Variants in PALB2 observed in about 807,000 individuals in gnomAD.
The protein encoded by PALB2 is partner and localizer of BRCA2.
PALB2 carries 82 observed loss-of-function variants against 107.4 expected under a neutral mutation model. That is an observed-to-expected ratio of 0.76 (90% CI 0.64 to 0.92). The LOEUF is 0.92. Ranked by LOEUF, PALB2 falls within the 40% of genes least tolerant of loss-of-function variation. The pLI, the probability that PALB2 is intolerant of heterozygous loss-of-function variation, is 0.00. For missense variants in PALB2, 1,374 were observed against 1,379.9 expected (o/e 1.00, Z 0.07); for synonymous variants, 489 against 496.8 (o/e 0.98, Z 0.21).
chr16:23,622,035 C>A (rs943016653), intron 9 of PALB2, among the ~76,000 whole-genome samples: 1 of 152,168 alleles, frequency 6.6e-6, no homozygotes, highest in Non-Finnish European at 1.5e-5. Context: ...TCATCTCTTG[C>A]CTAGATTACT....
At chr16:23,628,475 A>G (rs1267932374) in intron 6 of PALB2, among the ~76,000 whole-genome samples, 1 of 152,144 alleles carries the variant, frequency 6.6e-6, no homozygotes, top group Non-Finnish European at 1.5e-5. Flanking sequence ...ACATTTAGTA[A>G]TGCAACATTT....
intron 11 of PALB2, among the ~76,000 whole-genome samples, chr16:23,611,465 TA>T (rs201576039): frequency 0.026 from 3,834 of 148,500 alleles, 77 homozygotes; most frequent in Middle Eastern, 0.089. Flanking sequence ...TTATTATTAT[TA>T]TTTTTTTTTG....
intron 11 of PALB2, 112 bp from the exon 12 acceptor site, chr16:23,608,124 C>G (rs1440507233): frequency 8.6e-7 from 1 of 1,164,104 alleles, no homozygotes; most frequent in African/African-American, 1.5e-5. Flanking sequence ...CCGATAGGCT[C>G]TGAAGTATCC....
At chr16:23,610,122 G>T (rs1241342743) in intron 11 of PALB2, among the ~76,000 whole-genome samples, 1 of 152,140 alleles carries the variant, frequency 6.6e-6, no homozygotes, top group Non-Finnish European at 1.5e-5. Flanking sequence ...AGTTTTATTA[G>T]AACACAGCTA....
intron 11 of PALB2, among the ~76,000 whole-genome samples, chr16:23,609,333 G>A (rs1966541604): frequency 6.6e-6 from 1 of 152,160 alleles, no homozygotes; most frequent in African/African-American, 2.4e-5. Context: ...GCTGAGTGGG[G>A]AGGATCGCTT....
At chr16:23,619,512 C>T (rs1334887405) in intron 10 of PALB2, among the ~76,000 whole-genome samples, 1 of 150,994 alleles carries the variant, frequency 6.6e-6, no homozygotes, top group Non-Finnish European at 1.5e-5. Context: ...TTAGTAGAGA[C>T]GAGGTATCTT....
rs935956250 is a variant in PALB2 at position 23,635,779 on chromosome 16, C to G, written c.767G>C (p.Ser256Thr). ...TTVPLQTLSD[S>T]GSSQHLEHIP... ...GTGTTCAAGGTGCTGACTACTACCG[C>G]TATCTGATAGAGTCTGTAAAGGAAC... is the stretch of plus-strand genomic sequence containing the variant. Residue 256 changes from serine (S) to threonine (T), a missense_variant, in exon 4 of 13, where the codon AGC (serine) becomes ACC (threonine). Physicochemically the swap from Ser to Thr is moderately conservative, Grantham distance 58. Transcript: ENST00000261584. The G allele has an allele frequency of 6.2e-7, 1 of 1,614,152 alleles. No homozygotes were observed. The highest frequency in any genetic ancestry group is 8.5e-7 in the Non-Finnish European group (1 of 1,180,024).
At chr16:23,626,055 A>G (rs1015461721) in intron 7 of PALB2, among the ~76,000 whole-genome samples, 181 bp downstream of exon 7, 1 of 152,168 alleles carries the variant, frequency 6.6e-6, no homozygotes, top group Non-Finnish European at 1.5e-5. Context: ...TGGTGGGTAT[A>G]TGGGTGCTCA....
At chr16:23,608,790 G>T (rs111286989) in intron 11 of PALB2, among the ~76,000 whole-genome samples, 3,803 of 103,928 alleles carry the variant, frequency 0.037, 73 homozygotes, top group Middle Eastern at 0.11. Context: ...TACTGTATGT[G>T]TGTATATATA....
At chr16:23,628,132 G>A (rs887933325) in intron 6 of PALB2, among the ~76,000 whole-genome samples, 5 of 152,216 alleles carry the variant, frequency 3.3e-5, no homozygotes, top group African/African-American at 7.2e-5. Flanking sequence ...GTTGAGGCAC[G>A]AGAATTGCTT....
chr16:23,636,954 T>A (rs113458067), intron 3 of PALB2, among the ~76,000 whole-genome samples: 9 of 152,122 alleles, frequency 5.9e-5, no homozygotes, highest in African/African-American at 2.2e-4. Context: ...CTTACATTTT[T>A]AAAAAAAACC....
intron 6 of PALB2, among the ~76,000 whole-genome samples, chr16:23,627,119 T>C (rs549518328): frequency 1.3e-5 from 2 of 152,268 alleles, no homozygotes; most frequent in Admixed American, 1.3e-4. Flanking sequence ...ATTATGACCA[T>C]GGGAGCACTA....
In PALB2 at chr16:23,635,384, G is replaced by T. The variant is rs1567221468; in HGVS notation, c.1162C>A (p.Pro388Thr). 1 of 1,613,916 alleles carries T rather than the reference G, an allele frequency of 6.2e-7. No homozygotes were observed. The highest frequency in any genetic ancestry group is 8.5e-7 in the Non-Finnish European group (1 of 1,180,032). ...PKSLSLEATSPLSAEKHSCTV... is the reference protein window; with the variant it reads ...PKSLSLEATSTLSAEKHSCTV... The stretch of plus-strand genomic sequence containing the variant: ...CAAGAATGTTTTTCTGCAGAAAGAG[G>T]AGAGGTTGCTTCCAGGCTAAGACTC... The change falls in exon 4 of 13, where the codon CCT becomes ACT. Residue 388 changes from proline to threonine, a missense_variant. Transcript: ENST00000261584.
chr16:23,629,286 A>C lies in PALB2; in HGVS notation c.2515-11T>G. On this transcript the variant is annotated splice_polypyrimidine_tract_variant and intron_variant, in intron 5 of 12. Transcript: ENST00000261584. ...CTCTGCTGTTTCAGTCTGTGAAAAC[A>C]AAAGTCACATCATTAGTCTACACTT... is the stretch of plus-strand genomic sequence containing the variant. 6.2e-7 allele frequency: 1 copy of C among 1,610,468 alleles called. No individual in the cohort carries two copies. The highest frequency in any genetic ancestry group is 8.5e-7 in the Non-Finnish European group (1 of 1,177,508).
intron 4 of PALB2, among the ~76,000 whole-genome samples, chr16:23,633,936 T>G (rs1208461421): frequency 6.6e-6 from 1 of 152,154 alleles, no homozygotes; most frequent in Non-Finnish European, 1.5e-5. Flanking sequence ...CTCAAACTCC[T>G]GGGCTCAAGC....
At chr16:23,615,956 G>A (rs546148082) in intron 10 of PALB2, among the ~76,000 whole-genome samples, 41 of 152,268 alleles carry the variant, frequency 2.7e-4, no homozygotes, top group Non-Finnish European at 4.0e-4. Flanking sequence ...GAGCCACCGC[G>A]CCCGGTGGTA....
Position 23,635,111 on chromosome 16 carries a change from G to C in PALB2, c.1435C>G (p.Gln479Glu), listed in dbSNP as rs1060502761. Residue 479 changes from glutamine to glutamate, a missense_variant, in exon 4 of 13, where the codon CAG (glutamine) becomes GAG (glutamate). By Grantham distance (29) the Gln-to-Glu change is conservative. Transcript: ENST00000261584. ...ACTTTAGTTAATGAGAGAAGTTTCTGAGAGGTTCTTGAACTTGGTTGTCCT... is the reference window on the plus strand; with the variant it reads ...ACTTTAGTTAATGAGAGAAGTTTCTCAGAGGTTCTTGAACTTGGTTGTCCT... ...CTGQPSSRTS[Q>E]KLLSLTKVSS... 1 of 1,614,182 alleles carries C rather than the reference G, an allele frequency of 6.2e-7. No homozygotes were observed. Among genetic ancestry groups the C allele is most frequent in the Non-Finnish European group, 8.5e-7 (1 of 1,180,024 alleles).
rs1966865214 is a variant in PALB2, at chr16:23,630,317, G to A, written c.1837C>T (p.Gln613Ter). The A allele has an allele frequency of 6.2e-7, 1 of 1,614,206 alleles. No individual in the cohort carries two copies. Among genetic ancestry groups the A allele is most frequent in the Middle Eastern group, 1.6e-4 (1 of 6,062 alleles). ...GGTCCAAAGTCTTCATCAGGTAACT[G>A]AAAGTCTGTGATACTGAGAAAAGAC... The part of the protein sequence containing the change: ...LLSFLSITDF[Q>*]LPDEDFGPLK... The change falls in exon 5 of 13, where the codon CAG becomes TAG. Residue 613 changes from glutamine (Q) to a stop codon, truncating the protein, a stop_gained. Transcript: ENST00000261584. LOFTEE classifies it high-confidence loss of function.
chr16:23,636,195 A>G lies in PALB2; in HGVS notation c.351T>C (p.Pro117=), dbSNP rs763330757. Residue 117 remains proline (P), a synonymous_variant, in exon 4 of 13, where the codon CCT becomes CCC. Coordinates refer to ENST00000261584, the MANE Select transcript of PALB2 (RefSeq NM_024675.4). ...FNPGDGPGGL[P]IQRTDDTQEH... is the part of the protein sequence containing the mutation. ...CTTGGGTGTCATCTGTTCTTTGTAT[A>G]GGTAATCCTCCTGGGCCATCTCCAG... The G allele has an allele frequency of 1.6e-5, 26 of 1,613,184 alleles. No individual in the cohort carries two copies. In the Admixed American group the frequency reaches 3.8e-4, roughly 24 times the overall value.
Sources: gnomAD v4.1 joint callset for allele counts (sites outside exome capture counted in the v4.1 genomes callset) on GRCh38, gnomAD v4.1.1 for gene constraint, MANE v1.5 for transcripts, NCBI Gene and HGNC (gene_info 2026-07-23, HGNC 2026-07-21) for gene names.